Variants in LOXL2 observed in about 807,000 individuals in gnomAD.
LOXL2 encodes lysyl oxidase like 2.
In LOXL2, 70 loss-of-function variants were observed where a neutral mutation model predicts 93.0. The observed-to-expected ratio is 0.75, with a 90% CI of 0.62 to 0.92. The LOEUF (loss-of-function observed/expected upper bound fraction) is 0.92. Ranked by LOEUF, LOXL2 falls within the 40% of genes least tolerant of loss-of-function variation. The pLI, the probability that LOXL2 is intolerant of heterozygous loss-of-function variation, is 0.00. For missense variants in LOXL2, 973 were observed against 1,054.9 expected (o/e 0.92, Z 1.08); for synonymous variants, 438 against 413.2 (o/e 1.06, Z -0.73).
intron 1 of LOXL2, among the ~76,000 whole-genome samples, chr8:23,380,092 A>G (rs957784201): frequency 4.6e-5 from 7 of 152,156 alleles, no homozygotes; most frequent in African/African-American, 1.4e-4. Flanking sequence ...GCCCCCTCGC[A>G]ACGTTTTAAA....
chr8:23,343,858 C>T (rs968562842), intron 3 of LOXL2, among the ~76,000 whole-genome samples: 1 of 152,128 alleles, frequency 6.6e-6, no homozygotes, highest in African/African-American at 2.4e-5. Flanking sequence ...ACAAGCCGGC[C>T]CTCTTCTGTC....
chr8:23,298,104 T>C lies in LOXL2; in HGVS notation c.2264A>G (p.Glu755Gly). 6.2e-7 allele frequency: 1 copy of C among 1,613,656 alleles called. No individual in the cohort carries two copies. The highest frequency in any genetic ancestry group is 8.5e-7 in the Non-Finnish European group (1 of 1,179,954). The change falls in exon 14 of 14, where the codon GAG (glutamate) becomes GGG (glycine). Residue 755 changes from glutamate to glycine, a missense_variant. Coordinates refer to ENST00000389131, the MANE Select transcript of LOXL2 (RefSeq NM_002318.3). ...GAAGTGCTCAAACTTTTTTTCCGTC[T>C]CTTCGCTGAAGGAACCACCTGAAGA... ...NCHIGGSFSE[E>G]TEKKFEHFSG...
chr8:23,374,688 C>T (rs1379555359), intron 1 of LOXL2, among the ~76,000 whole-genome samples: 2 of 152,206 alleles, frequency 1.3e-5, no homozygotes, highest in African/African-American at 4.8e-5. Flanking sequence ...ATTTGCATTT[C>T]TCTGATGGCC....
chr8:23,321,492 G>A (rs1803497289), intron 7 of LOXL2, among the ~76,000 whole-genome samples: 1 of 152,194 alleles, frequency 6.6e-6, no homozygotes. Flanking sequence ...CCTGGTAACC[G>A]TGTGGCTTTC....
chr8:23,380,999 T>C (rs894884770), intron 1 of LOXL2, among the ~76,000 whole-genome samples: 1 of 152,086 alleles, frequency 6.6e-6, no homozygotes, highest in South Asian at 2.1e-4. Context: ...AGAGAGACTC[T>C]GTCTCAGAAA....
intron 8 of LOXL2, among the ~76,000 whole-genome samples, chr8:23,319,104 TG>T (rs1172213519): frequency 5.3e-5 from 8 of 152,228 alleles, no homozygotes; most frequent in Non-Finnish European, 8.8e-5. Flanking sequence ...AGCTGCTTAA[TG>T]GAAGTGTTTA....
rs367578377 is a variant in LOXL2 at position 23,340,788 on chromosome 8, G to A, written c.743+204C>T. Among the ~76,000 whole-genome samples, 7 of 152,310 alleles carry A rather than the reference G, an allele frequency of 4.6e-5. No individual in the cohort carries two copies. The East Asian group carries it at 7.7e-4, about 17-fold the overall frequency. On this transcript the variant is annotated intron_variant, in intron 4 of 13. Transcript: ENST00000389131. ...GGGTCTATCTCCTGTAGATGTGTGAGTTCCTTAAGGGTAAGGATGCCACGG... is the reference window on the plus strand; with the variant it reads ...GGGTCTATCTCCTGTAGATGTGTGAATTCCTTAAGGGTAAGGATGCCACGG...
At chr8:23,300,712 G>A (rs1803115493) in intron 12 of LOXL2, among the ~76,000 whole-genome samples, 1 of 152,228 alleles carries the variant, frequency 6.6e-6, no homozygotes, top group Non-Finnish European at 1.5e-5. Context: ...GCCGTGAAAT[G>A]AGGGTAATGA....
At chr8:23,340,841 G>A (rs536616525) in intron 4 of LOXL2, 151 bp downstream of exon 4, 32 of 704,010 alleles carry the variant, frequency 4.5e-5, no homozygotes, top group South Asian at 2.9e-4. Flanking sequence ...CGCCTGGCCC[G>A]GCCCAGGGGC....
intron 1 of LOXL2, among the ~76,000 whole-genome samples, chr8:23,394,985 G>T (rs1170029963): frequency 2.0e-5 from 3 of 152,220 alleles, no homozygotes; most frequent in Admixed American, 2.0e-4. Context: ...GGGGAGCACC[G>T]TGGCTCCCGC....
chr8:23,397,796 A>G (rs1055197118), intron 1 of LOXL2, among the ~76,000 whole-genome samples: 3 of 143,622 alleles, frequency 2.1e-5, no homozygotes, highest in East Asian at 2.0e-4. Context: ...AAAAAAAAAA[A>G]GAAAGAAATA....
intron 2 of LOXL2, among the ~76,000 whole-genome samples, chr8:23,362,170 G>A (rs928009708): frequency 1.3e-5 from 2 of 152,284 alleles, no homozygotes; most frequent in Admixed American, 6.5e-5. Context: ...GCCTTCAGAA[G>A]GGAGGAAACT....
At chr8:23,325,589 T>C (rs1442026016) in intron 6 of LOXL2, among the ~76,000 whole-genome samples, 2 of 152,204 alleles carry the variant, frequency 1.3e-5, no homozygotes, top group Admixed American at 6.5e-5. Flanking sequence ...CTGTTCTGTT[T>C]CTATCAGACA....
chr8:23,343,727 T>C (rs755556003), intron 3 of LOXL2, among the ~76,000 whole-genome samples: 1 of 152,142 alleles, frequency 6.6e-6, no homozygotes, highest in African/African-American at 2.4e-5. Flanking sequence ...AGGGGCAGGA[T>C]TATGCCTTCC....
At chr8:23,343,242 G>A (rs1424206818) in intron 3 of LOXL2, among the ~76,000 whole-genome samples, 4 of 152,296 alleles carry the variant, frequency 2.6e-5, no homozygotes, top group Middle Eastern at 3.4e-3. Flanking sequence ...AACAGCTACC[G>A]CAAAGCATGC....
At chr8:23,375,740 C>CTCTG (rs141798878) in intron 1 of LOXL2, among the ~76,000 whole-genome samples, 95,954 of 151,008 alleles carry the variant, frequency 0.64, 30,594 homozygotes, top group East Asian at 0.69. Flanking sequence ...TGATTTGGCT[C>CTCTG]TCTGTTATTG....
intron 5 of LOXL2, among the ~76,000 whole-genome samples, chr8:23,332,474 ACACACTCCCATACCCCCC>A (rs1803706569): frequency 2.1e-5 from 1 of 47,586 alleles, no homozygotes; most frequent in African/African-American, 8.8e-5. Flanking sequence ...CATACCCCCC[ACACACTCCCATACCCCCC>A]CACTCATACA....
At position 23,301,885 on chromosome 8, in the gene LOXL2, G is replaced by A. The variant is rs981234191; in HGVS notation, c.2133+142C>T. ...ATATCTTTGGGTTAACTGATGGACCGTGATGGCCTCTGGGGGTAGCACCTT... is the reference window on the plus strand; with the variant it reads ...ATATCTTTGGGTTAACTGATGGACCATGATGGCCTCTGGGGGTAGCACCTT... On this transcript the variant is annotated intron_variant, in intron 12 of 13. Transcript: ENST00000389131. The A allele has an allele frequency of 1.1e-5, 11 of 994,878 alleles. No homozygotes were observed. In the East Asian group the frequency reaches 1.6e-4, roughly 14 times the overall value. 61.6% of individuals were successfully genotyped at this position (994,878 alleles called of 1,614,324 possible).
At position 23,359,614 on chromosome 8, in the gene LOXL2, C is replaced by T. The variant is rs78487447; in HGVS notation, c.531+476G>A. 3.2e-3 allele frequency among the ~76,000 whole-genome samples: 486 copies of T among 152,288 alleles called. 4 individuals are homozygous for T. Among genetic ancestry groups the T allele is most frequent in the Non-Finnish European group, 5.8e-3 (397 of 68,032 alleles). On this transcript the variant is annotated intron_variant, in intron 3 of 13. Transcript: ENST00000389131. ...GCTGAGGAGAATCAAGTAGCTAAGCCCTTCCTCAATTCCTGACTCTCACAA... is the reference window on the plus strand; with the variant it reads ...GCTGAGGAGAATCAAGTAGCTAAGCTCTTCCTCAATTCCTGACTCTCACAA...
Sources: gnomAD v4.1 joint callset for allele counts (sites outside exome capture counted in the v4.1 genomes callset) on GRCh38, gnomAD v4.1.1 for gene constraint, MANE v1.5 for transcripts, NCBI Gene and HGNC (gene_info 2026-07-23, HGNC 2026-07-21) for gene names.